KALRN: variants seen among roughly 807,000 people sequenced by gnomAD.
The protein encoded by KALRN is kalirin.
A neutral mutation model predicts 353.7 loss-of-function variants in KALRN; 70 were observed. That is an observed-to-expected ratio of 0.20 (90% CI 0.16 to 0.24). KALRN has a LOEUF of 0.24. KALRN is among the 10% of genes least tolerant of loss of function. The pLI is 1.00. For missense variants in KALRN, 2,791 were observed against 3,756.7 expected, an observed-to-expected ratio of 0.74 and a Z score of 6.72; for synonymous variants, 1,391 against 1,434.8, an observed-to-expected ratio of 0.97 and a Z score of 0.69.
chr3:124,393,769 G>C (rs1052002900), intron 11 of KALRN, among the ~76,000 whole-genome samples: 6 of 152,178 alleles, frequency 3.9e-5, no homozygotes, highest in African/African-American at 1.4e-4. Flanking sequence ...TTACTCACCT[G>C]TACAAAAAGG....
At chr3:124,357,406 C>T (rs540360727) in intron 10 of KALRN, among the ~76,000 whole-genome samples, 67 of 152,356 alleles carry the variant, frequency 4.4e-4, no homozygotes, top group African/African-American at 1.6e-3. Flanking sequence ...GGCTCCCCAT[C>T]AGGATAAAGT....
chr3:124,179,891 G>C (rs1324224164), intron 1 of KALRN, among the ~76,000 whole-genome samples: 1 of 152,206 alleles, frequency 6.6e-6, no homozygotes, highest in Non-Finnish European at 1.5e-5. Flanking sequence ...TCGGACCGAG[G>C]CTGGCTGCCA....
Position 124,266,045 on chromosome 3 carries a change from G to A in KALRN, c.456+1355G>A, listed in dbSNP as rs531037832. Among the ~76,000 whole-genome samples the A allele has an allele frequency of 1.7e-4, 26 of 152,282 alleles. No individual in the cohort carries two copies. In the South Asian group the frequency reaches 5.2e-3, roughly 30 times the overall value. ...CAGGAGAATCACTTGAACCCGGGAG[G>A]CGGAGGTTGCAGTGAGCTGAGATCG... is the stretch of plus-strand genomic sequence containing the variant. On this transcript the variant is annotated intron_variant, in intron 4 of 59. Coordinates refer to ENST00000682506, the MANE Select transcript of KALRN (RefSeq NM_001388419.1).
intron 5 of KALRN, among the ~76,000 whole-genome samples, chr3:124,276,837 T>G (rs2074780373): frequency 6.6e-6 from 1 of 152,206 alleles, no homozygotes; most frequent in South Asian, 2.1e-4. Flanking sequence ...GGGCATCATT[T>G]CACAGATGGG....
chr3:124,227,704 T>A (rs1384523555), intron 1 of KALRN, among the ~76,000 whole-genome samples: 1 of 76,870 alleles, frequency 1.3e-5, no homozygotes, highest in Non-Finnish European at 2.8e-5. Flanking sequence ...TTTTTTTTTT[T>A]TGCCCCCACT....
At chr3:124,167,212 T>G (rs907343632) in intron 1 of KALRN, among the ~76,000 whole-genome samples, 3 of 152,178 alleles carry the variant, frequency 2.0e-5, no homozygotes, top group Admixed American at 6.5e-5. Context: ...TGCACTTTAC[T>G]GCTGACCTGT....
intron 1 of KALRN, among the ~76,000 whole-genome samples, chr3:124,130,058 T>A (rs1278386884): frequency 6.6e-6 from 1 of 152,194 alleles, no homozygotes; most frequent in Admixed American, 6.5e-5. Context: ...ACTTACCTAT[T>A]TTGGGGACAA....
At chr3:124,694,558 G>A (rs1308442798) in intron 53 of KALRN, 55 bp downstream of exon 53, 2 of 1,543,174 alleles carry the variant, frequency 1.3e-6, no homozygotes, top group Non-Finnish European at 1.8e-6. Flanking sequence ...ACACAGCACT[G>A]AGAGGCTGAA....
At chr3:124,627,748 G>A (rs2080123550) in intron 34 of KALRN, among the ~76,000 whole-genome samples, 1 of 152,196 alleles carries the variant, frequency 6.6e-6, no homozygotes, top group Admixed American at 6.5e-5. Flanking sequence ...AGCCTTCTGA[G>A]AACAGTAGTT....
At chr3:124,573,955 A>G (rs1308006717) in intron 34 of KALRN, among the ~76,000 whole-genome samples, 1 of 152,178 alleles carries the variant, frequency 6.6e-6, no homozygotes, top group Non-Finnish European at 1.5e-5. Context: ...ATTCTGTGGT[A>G]CTTGAAGGTA....
intron 14 of KALRN, among the ~76,000 whole-genome samples, chr3:124,419,075 G>GA (rs891160374): frequency 1.7e-4 from 25 of 145,634 alleles, no homozygotes; most frequent in Middle Eastern, 3.7e-3. Context: ...CAGTCTAAAA[G>GA]AAAAAAAAAA....
At chr3:124,256,611 C>T (rs2072027470) in intron 3 of KALRN, among the ~76,000 whole-genome samples, 1 of 152,156 alleles carries the variant, frequency 6.6e-6, no homozygotes. Context: ...TGAAAACGAT[C>T]AGTTGTGACA....
At chr3:124,361,029 C>T (rs187642473) in intron 10 of KALRN, among the ~76,000 whole-genome samples, 45 of 152,308 alleles carry the variant, frequency 3.0e-4, no homozygotes, top group Admixed American at 7.8e-4. Context: ...CACGCTTTTA[C>T]AAGGAATACC....
chr3:124,541,174 G>A lies in KALRN; in HGVS notation c.4936-21669G>A, dbSNP rs573599658. 8.5e-5 allele frequency among the ~76,000 whole-genome samples: 13 copies of A among 152,344 alleles called. No homozygotes were observed. In the South Asian group the frequency reaches 2.7e-3, roughly 32 times the overall value. ...TAGAAAACCCTTATGATTCAGCTGG[G>A]CATGGTGGCTCACGCCTGTAATCCC... On this transcript the variant is annotated intron_variant, in intron 33 of 59. Coordinates refer to ENST00000682506, the MANE Select transcript of KALRN (RefSeq NM_001388419.1).
intron 31 of KALRN, 100 bp from the exon 32 acceptor site, chr3:124,492,640 C>G (rs1039826126): frequency 2.4e-6 from 3 of 1,248,322 alleles, no homozygotes; most frequent in Admixed American, 4.4e-5. Context: ...CATTTGGAAT[C>G]CTTGAAAATA....
chr3:124,391,301 G>A (rs958678470), intron 11 of KALRN, among the ~76,000 whole-genome samples: 2 of 152,106 alleles, frequency 1.3e-5, no homozygotes, highest in Non-Finnish European at 2.9e-5. Context: ...GTGCTATAAT[G>A]TTAAACCTTA....
In KALRN at chr3:124,274,226, G is replaced by A. The variant is rs111709013; in HGVS notation, c.969+4971G>A. Among the ~76,000 whole-genome samples the A allele has an allele frequency of 6.3e-3, 956 of 152,296 alleles. 12 individuals carry two copies. The highest frequency in any genetic ancestry group is 0.022 in the African/African-American group (903 of 41,576). On this transcript the variant is annotated intron_variant, in intron 5 of 59. Coordinates refer to ENST00000682506, the MANE Select transcript of KALRN (RefSeq NM_001388419.1). ...TCCACACGTCTACCTCCCACACACCGTAGAAATCCCAGCCTTGCCATCTGA... is the reference window on the plus strand; with the variant it reads ...TCCACACGTCTACCTCCCACACACCATAGAAATCCCAGCCTTGCCATCTGA...
At chr3:124,313,938 A>G (rs537366494) in intron 6 of KALRN, among the ~76,000 whole-genome samples, 1 of 152,286 alleles carries the variant, frequency 6.6e-6, no homozygotes, top group African/African-American at 2.4e-5. Flanking sequence ...GGCTGGGTCA[A>G]ATGGTATTTC....
At chr3:124,468,335 G>C (rs2060542422) in intron 25 of KALRN, among the ~76,000 whole-genome samples, 1 of 152,038 alleles carries the variant, frequency 6.6e-6, no homozygotes, top group South Asian at 2.1e-4. Context: ...ACAACCCCTT[G>C]AAACACAAGG....
Sources: gnomAD v4.1 joint callset for allele counts (sites outside exome capture counted in the v4.1 genomes callset) on GRCh38, gnomAD v4.1.1 for gene constraint, MANE v1.5 for transcripts, NCBI Gene and HGNC (gene_info 2026-07-23, HGNC 2026-07-21) for gene names.